The following SMG7 variants were observed in gnomAD, a reference collection of about 807,000 sequenced individuals.
SMG7 encodes the protein nonsense-mediated mRNA decay factor SMG7.
In SMG7, 34 loss-of-function variants were observed where a neutral mutation model predicts 148.2. The observed-to-expected ratio is 0.23, with a 90% CI of 0.17 to 0.31. The LOEUF (loss-of-function observed/expected upper bound fraction) is 0.31. Among genes scored for constraint, SMG7 ranks in the 10% least tolerant of loss-of-function variants. SMG7 has a pLI of 1.00. For missense variants in SMG7, 1,114 were observed against 1,408.4 expected (o/e 0.79, Z 3.35); for synonymous variants, 492 against 515.1 (o/e 0.96, Z 0.61).
intron 1 of SMG7, among the ~76,000 whole-genome samples, chr1:183,494,144 T>A (rs1236304869): frequency 1.3e-5 from 2 of 152,124 alleles, no homozygotes; most frequent in East Asian, 3.9e-4. Context: ...TACGCCACCA[T>A]GCCTGCCTAA....
chr1:183,516,719 C>CT (rs1663630763), intron 3 of SMG7, among the ~76,000 whole-genome samples: 1 of 152,152 alleles, frequency 6.6e-6, no homozygotes, highest in Admixed American at 6.5e-5. Context: ...GCCTTAGATA[C>CT]TTTATATTTT....
rs1332834003 is a variant in SMG7 at position 183,553,427 on chromosome 1, C to G, written c.*1496C>G. Reference sequence around the variant, plus strand: ...TTGTGTACACACACGTGCCCATCTGCTGTCCCAGAGGGGAGGGGTTGTGTG... The same window carrying G: ...TTGTGTACACACACGTGCCCATCTGGTGTCCCAGAGGGGAGGGGTTGTGTG... On this transcript the variant is annotated 3_prime_UTR_variant, in exon 23 of 23. Transcript: ENST00000688051. The G allele has an allele frequency of 1.9e-6, 1 of 519,762 alleles. No individual in the cohort carries two copies. Among genetic ancestry groups the G allele is most frequent in the Non-Finnish European group, 3.4e-6 (1 of 289,960 alleles). 32.2% of individuals were successfully genotyped at this position (519,762 alleles called of 1,614,324 possible).
In SMG7 at chr1:183,546,335, G is replaced by A; in HGVS notation, c.2740G>A (p.Glu914Lys). The part of the protein sequence containing the change: ...EQDPVPRMPF[E>K]DPKSSPLLPP... ...GGATCCTGTACCCAGAATGCCGTTTGAGGTGTGTGTTCTTTCCTATCACCA... is the reference window on the plus strand; with the variant it reads ...GGATCCTGTACCCAGAATGCCGTTTAAGGTGTGTGTTCTTTCCTATCACCA... Residue 914 changes from glutamate to lysine, a missense_variant and splice_region_variant, in exon 17 of 23, where the codon GAG (glutamate) becomes AAG (lysine). By Grantham distance (56) the Glu-to-Lys change is moderately conservative. Transcript: ENST00000688051. 1 of 1,607,640 alleles carries A rather than the reference G, an allele frequency of 6.2e-7. No individual in the cohort carries two copies. The highest frequency in any genetic ancestry group is 8.5e-7 in the Non-Finnish European group (1 of 1,175,828).
chr1:183,524,162 G>T (rs1354049469), intron 4 of SMG7, among the ~76,000 whole-genome samples: 1 of 151,892 alleles, frequency 6.6e-6, no homozygotes, highest in Non-Finnish European at 1.5e-5. Context: ...GCTCACTGCG[G>T]CCTGGAACTC....
chr1:183,549,403 C>T (rs1670560203), intron 19 of SMG7, 115 bp downstream of exon 19: 1 of 757,630 alleles, frequency 1.3e-6, no homozygotes, highest in African/African-American at 1.7e-5. Flanking sequence ...TTAGTGTATT[C>T]CAGATATTTG....
Position 183,511,138 on chromosome 1 carries a change from C to CA in SMG7, c.30-1685dup, listed in dbSNP as rs563052787. 5.7e-3 allele frequency among the ~76,000 whole-genome samples: 808 copies of CA among 140,844 alleles called. 7 individuals carry two copies. Among genetic ancestry groups the CA allele is most frequent in the African/African-American group, 0.017 (638 of 38,520 alleles). 92.4% of individuals were successfully genotyped at this position (140,844 alleles called of 152,430 possible). A position where few individuals can be genotyped will look rare whatever the true frequency, so the allele number is the denominator to read the frequency against. ...ATAGCAAGGCCCAGTCTCTCTCTCT[C>CA]AAAAAAAAAAAAAATCTCTCTTAAG... On this transcript the variant is annotated intron_variant, in intron 1 of 22. Transcript: ENST00000688051.
intron 1 of SMG7, among the ~76,000 whole-genome samples, chr1:183,499,651 G>A (rs761822851): frequency 7.9e-5 from 12 of 152,242 alleles, no homozygotes; most frequent in Non-Finnish European, 1.2e-4. Flanking sequence ...TATGAAATGC[G>A]TGTTTTATCT....
intron 1 of SMG7, among the ~76,000 whole-genome samples, chr1:183,504,652 A>G (rs1018845388): frequency 1.3e-5 from 2 of 152,060 alleles, no homozygotes; most frequent in South Asian, 4.1e-4. Flanking sequence ...ATATTTTTGT[A>G]TTAATTTTTC....
Position 183,551,945 on chromosome 1 carries a change from A to G in SMG7, c.*14A>G, listed in dbSNP as rs1330846071. On this transcript the variant is annotated 3_prime_UTR_variant, in exon 23 of 23. Transcript: ENST00000688051. ...CCTCCACACTGAGGCCAAAGTGGCA[A>G]CCTGGGAATGAAGGCTCCATAAACC... 1 of 1,612,534 alleles carries G rather than the reference A, an allele frequency of 6.2e-7. No homozygotes were observed. Among genetic ancestry groups the G allele is most frequent in the Non-Finnish European group, 8.5e-7 (1 of 1,179,142 alleles).
At chr1:183,485,339 C>A (rs886805063) in intron 1 of SMG7, among the ~76,000 whole-genome samples, 4 of 152,182 alleles carry the variant, frequency 2.6e-5, no homozygotes, top group Non-Finnish European at 5.9e-5. Context: ...CTCTTCTCAT[C>A]AGTGTCAACC....
intron 4 of SMG7, among the ~76,000 whole-genome samples, chr1:183,518,357 A>G (rs1664046891): frequency 6.6e-6 from 1 of 152,226 alleles, no homozygotes; most frequent in Non-Finnish European, 1.5e-5. Context: ...TGAATATAAA[A>G]GGGATAATTG....
In SMG7 at chr1:183,527,245, TA is replaced by T. The variant is rs1337688137; in HGVS notation, c.484+480del. ...TTGCATTTTATCTGGGAATATTATA[TA>T]ACTTATTTATTCTTGTTCATTCCTT... On this transcript the variant is annotated intron_variant, in intron 5 of 22. Coordinates refer to ENST00000688051, the MANE Select transcript of SMG7 (RefSeq NM_001375584.1). The surrounding 1 kb of genome is among the most constrained non-coding windows in gnomAD (Gnocchi z 4.0). Among the ~76,000 whole-genome samples, 2 of 152,260 alleles carry T rather than the reference TA, an allele frequency of 1.3e-5. No homozygotes were observed. Among genetic ancestry groups the T allele is most frequent in the African/African-American group, 4.8e-5 (2 of 41,476 alleles).
intron 1 of SMG7, among the ~76,000 whole-genome samples, chr1:183,509,236 T>G (rs2102395558): frequency 6.6e-6 from 1 of 152,274 alleles, no homozygotes; most frequent in South Asian, 2.1e-4. Context: ...AGTATAAAAT[T>G]TATTTCTTGT....
intron 14 of SMG7, among the ~76,000 whole-genome samples, chr1:183,542,979 T>C (rs1669201886): frequency 6.7e-6 from 1 of 148,830 alleles, no homozygotes; most frequent in South Asian, 2.1e-4. Context: ...GTATTTTTTT[T>C]CTTGGAAAAA....
At chr1:183,476,883 T>C (rs543366842) in intron 1 of SMG7, among the ~76,000 whole-genome samples, 32 of 152,332 alleles carry the variant, frequency 2.1e-4, no homozygotes, top group African/African-American at 7.2e-4. Flanking sequence ...TGAAAGATTT[T>C]AAAAGACTTT....
At chr1:183,549,120 C>G (rs1670497409) in intron 18 of SMG7, 88 bp from the exon 19 acceptor site, 2 of 966,774 alleles carry the variant, frequency 2.1e-6, no homozygotes, top group Non-Finnish European at 3.2e-6. Context: ...TACAGGCATG[C>G]TTTTGCTTTG....
At chr1:183,477,674 A>G (rs944978596) in intron 1 of SMG7, among the ~76,000 whole-genome samples, 1 of 145,654 alleles carries the variant, frequency 6.9e-6, no homozygotes, top group Non-Finnish European at 1.5e-5. Context: ...ATATATGCAT[A>G]TATACGTGTG....
At chr1:183,516,760 A>T (rs1433766130) in intron 3 of SMG7, among the ~76,000 whole-genome samples, 3 of 152,244 alleles carry the variant, frequency 2.0e-5, no homozygotes, top group Non-Finnish European at 2.9e-5. Flanking sequence ...CTAAATTACG[A>T]CCATCAAAAT....
intron 1 of SMG7, among the ~76,000 whole-genome samples, chr1:183,491,024 T>G (rs1656830443): frequency 6.6e-6 from 1 of 152,228 alleles, no homozygotes; most frequent in African/African-American, 2.4e-5. Context: ...GACCTCAGCC[T>G]CTCAGAGTGC....
Sources: allele counts gnomAD v4.1 joint callset (sites outside exome capture counted in the v4.1 genomes callset), GRCh38; gene constraint gnomAD v4.1.1; non-coding constraint Gnocchi (gnomAD v3.1); transcripts MANE v1.5; gene names NCBI Gene and HGNC (gene_info 2026-07-23, HGNC 2026-07-21).